Variants in KDSR observed in about 807,000 individuals in gnomAD.
KDSR encodes the protein 3-dehydrosphinganine reductase.
Under a neutral mutation model 41.3 loss-of-function variants are expected in KDSR, and 23 were observed. The observed-to-expected ratio is 0.56, with a 90% CI of 0.40 to 0.79. The LOEUF (loss-of-function observed/expected upper bound fraction) is 0.79. KDSR is among the 30% of genes least tolerant of loss of function. The pLI, the probability that KDSR is intolerant of heterozygous loss-of-function variation, is 0.00. For missense variants in KDSR, 351 were observed against 416.8 expected (o/e 0.84, Z 1.37); for synonymous variants, 138 against 151.7 (o/e 0.91, Z 0.66).
intron 8 of KDSR, among the ~76,000 whole-genome samples, chr18:63,336,885 T>C (rs902868054): frequency 6.6e-5 from 10 of 152,116 alleles, no homozygotes; most frequent in African/African-American, 2.4e-4. Context: ...ATTTTCTGTA[T>C]ATCCTTCCAT....
chr18:63,365,696 C>T lies in KDSR; in HGVS notation c.108+1315G>A, dbSNP rs180809468. ...GCTTTAGTTTTTGCAAAGTTATGCT[C>T]TATAAACTCAAGCTCTGAAAGGATC... is the stretch of plus-strand genomic sequence containing the variant. On this transcript the variant is annotated intron_variant, in intron 1 of 9. Transcript: ENST00000645214. Among the ~76,000 whole-genome samples the T allele has an allele frequency of 3.3e-5, 5 of 152,294 alleles. No homozygotes were observed. In the East Asian group the frequency reaches 9.6e-4, roughly 29 times the overall value.
At chr18:63,342,283 T>C (rs1002923367) in intron 7 of KDSR, among the ~76,000 whole-genome samples, 2 of 151,862 alleles carry the variant, frequency 1.3e-5, no homozygotes, top group African/African-American at 4.8e-5. Context: ...GAAAATATTA[T>C]AGCTCCACCA....
intron 5 of KDSR, among the ~76,000 whole-genome samples, chr18:63,354,682 T>G (rs1033924608): frequency 6.6e-6 from 1 of 151,914 alleles, no homozygotes; most frequent in Non-Finnish European, 1.5e-5. Context: ...AAAGAAAAAA[T>G]AAAAATTTCA....
intron 7 of KDSR, among the ~76,000 whole-genome samples, chr18:63,341,302 GA>G (rs1914333994): frequency 1.3e-5 from 2 of 152,068 alleles, no homozygotes; most frequent in Non-Finnish European, 2.9e-5. Context: ...GAGAAAATAT[GA>G]AATCCATGAA....
rs544646550 is a variant in KDSR, at chr18:63,330,710, C to T, written c.*1072G>A. ...TTTCCTAAAAGCTACATATATGCTC[C>T]GAGAAAAAGTCACACTTTTTAATTT... On this transcript the variant is annotated 3_prime_UTR_variant, in exon 10 of 10. Coordinates refer to ENST00000645214, the MANE Select transcript of KDSR (RefSeq NM_002035.4). 1.4e-4 allele frequency: 33 copies of T among 230,552 alleles called. No individual in the cohort carries two copies. In the South Asian group the frequency reaches 2.6e-3, roughly 18 times the overall value. 14.3% of individuals were successfully genotyped at this position (230,552 alleles called of 1,614,324 possible).
chr18:63,362,911 CCT>C (rs1244105122), intron 1 of KDSR, 43 bp from the exon 2 acceptor site: 2 of 1,347,812 alleles, frequency 1.5e-6, no homozygotes, highest in Non-Finnish European at 2.1e-6. Context: ...TGAAATCTCC[CCT>C]CTGTAGGAAG....
intron 6 of KDSR, chr18:63,346,398 CCAA>C (rs1914502717): frequency 2.0e-5 from 3 of 152,312 alleles, no homozygotes; most frequent in African/African-American, 7.2e-5. Flanking sequence ...CACAAAAAAT[CCAA>C]CGAGTGGTCA....
intron 9 of KDSR, 123 bp from the exon 10 acceptor site, chr18:63,332,024 G>T: frequency 9.9e-7 from 1 of 1,011,584 alleles, no homozygotes; most frequent in Non-Finnish European, 1.4e-6. Flanking sequence ...TGAATATAAT[G>T]AAAACTCTGT....
intron 7 of KDSR, among the ~76,000 whole-genome samples, chr18:63,339,179 C>T (rs1158641188): frequency 6.6e-6 from 1 of 152,226 alleles, no homozygotes; most frequent in Admixed American, 6.5e-5. Context: ...TCACTGGATA[C>T]AAGTTCAGAA....
chr18:63,359,178 CAAAAAAAAAA>C (rs74169959), intron 3 of KDSR, among the ~76,000 whole-genome samples: 1 of 37,112 alleles, frequency 2.7e-5, no homozygotes, highest in African/African-American at 1.0e-4. Context: ...GACACTGCCT[CAAAAAAAAAA>C]AAAAAAAAAA....
rs752373886 is a variant in KDSR at position 63,355,269 on chromosome 18, G to T, written c.352C>A (p.Leu118Met). ...ACTGCCATTCCTGCACAATTTACCA[G>T]CATGTCCACTGGACCCAGTTTCTCC... ...AQEKLGPVDM[L>M]VNCAGMAVSG... The change falls in exon 5 of 10, where the codon CTG (leucine) becomes ATG (methionine). Residue 118 changes from leucine to methionine, a missense_variant. Transcript: ENST00000645214. 4.3e-6 allele frequency: 7 copies of T among 1,614,098 alleles called. No individual in the cohort carries two copies. In the South Asian group the frequency reaches 5.5e-5, roughly 13 times the overall value.
intron 2 of KDSR, 107 bp downstream of exon 2, chr18:63,362,672 A>T: frequency 2.8e-6 from 2 of 717,004 alleles, no homozygotes; most frequent in Admixed American, 4.8e-5. Context: ...TCTCACATCA[A>T]GGAAGAAGCG....
intron 5 of KDSR, among the ~76,000 whole-genome samples, 181 bp from the exon 6 acceptor site, chr18:63,351,260 A>G (rs181653542): frequency 1.3e-5 from 2 of 151,630 alleles, no homozygotes; most frequent in East Asian, 3.9e-4. Flanking sequence ...TTTGAGACCT[A>G]GCATTTGAAG....
intron 2 of KDSR, among the ~76,000 whole-genome samples, chr18:63,361,885 C>T (rs1248914602): frequency 6.6e-6 from 1 of 152,064 alleles, no homozygotes; most frequent in Admixed American, 6.6e-5. Context: ...TTAAATTTTC[C>T]CCCAAGGCCC....
intron 3 of KDSR, 61 bp downstream of exon 3, chr18:63,359,675 T>G: frequency 9.1e-7 from 1 of 1,100,364 alleles, no homozygotes; most frequent in Non-Finnish European, 1.4e-6. Flanking sequence ...GTAACTCTGT[T>G]TTTCCTTTAT....
At chr18:63,341,600 A>C (rs1209871085) in intron 7 of KDSR, among the ~76,000 whole-genome samples, 1 of 152,154 alleles carries the variant, frequency 6.6e-6, no homozygotes, top group Non-Finnish European at 1.5e-5. Flanking sequence ...GAAGTGATAA[A>C]AGGAGTAATA....
At chr18:63,342,162 C>CG (rs1394202778) in intron 7 of KDSR, among the ~76,000 whole-genome samples, 1 of 107,576 alleles carries the variant, frequency 9.3e-6, no homozygotes, top group African/African-American at 3.3e-5. Context: ...GAGCAAGACT[C>CG]TATCACAAAA....
At chr18:63,366,050 A>T (rs1915126942) in intron 1 of KDSR, 1 of 152,182 alleles carries the variant, frequency 6.6e-6, no homozygotes, top group African/African-American at 2.4e-5. Flanking sequence ...TTTTGTAACC[A>T]ACCCTCCTTA....
At chr18:63,335,557 C>G (rs557726295) in intron 8 of KDSR, 199 bp from the exon 9 acceptor site, 52 of 531,804 alleles carry the variant, frequency 9.8e-5, no homozygotes, top group Non-Finnish European at 1.7e-4. Context: ...CGGACCCCTG[C>G]GGGCCCCCAA....
Sources: allele counts gnomAD v4.1 joint callset (sites outside exome capture counted in the v4.1 genomes callset), GRCh38; gene constraint gnomAD v4.1.1; transcripts MANE v1.5; gene names NCBI Gene and HGNC (gene_info 2026-07-23, HGNC 2026-07-21).